Variants in GBF1 observed in about 807,000 individuals in gnomAD.
GBF1 encodes the protein golgi brefeldin A resistant guanine nucleotide exchange factor 1, also known as Golgi-specific brefeldin A-resistance guanine nucleotide exchange factor 1.
A neutral mutation model predicts 210.5 loss-of-function variants in GBF1; 114 were observed. The ratio of observed to expected loss-of-function variants is 0.54; its 90% CI spans 0.47 to 0.63. The LOEUF is 0.63. Among genes scored for constraint, GBF1 ranks in the 30% least tolerant of loss-of-function variants. The probability of loss-of-function intolerance (pLI) is 0.00; values close to 1 mark genes in which losing one functional copy is unlikely to be tolerated. For synonymous variants in GBF1, 850 were observed against 889.2 expected (o/e 0.96, Z 0.78); for missense variants, 1,851 against 2,357.7 (o/e 0.79, Z 4.45).
chr10:102,336,299 CAA>C (rs566414701), intron 3 of GBF1, among the ~76,000 whole-genome samples: 250 of 49,032 alleles, frequency 5.1e-3, no homozygotes, highest in African/African-American at 0.017. Flanking sequence ...GACTTTGTCT[CAA>C]AAAAAAAAAA....
At chr10:102,270,173 C>T (rs761705464) in intron 3 of GBF1, among the ~76,000 whole-genome samples, 3 of 151,488 alleles carry the variant, frequency 2.0e-5, no homozygotes, top group Middle Eastern at 3.4e-3. Flanking sequence ...CCACTGCACC[C>T]GGCCTTTTTT....
intron 3 of GBF1, among the ~76,000 whole-genome samples, chr10:102,268,861 C>T (rs1314724149): frequency 2.0e-5 from 3 of 152,162 alleles, no homozygotes; most frequent in Non-Finnish European, 2.9e-5. Context: ...TCTCTCCTGG[C>T]ATCTGTTAGA....
chr10:102,333,341 C>T (rs978316372), intron 3 of GBF1, among the ~76,000 whole-genome samples: 1 of 152,228 alleles, frequency 6.6e-6, no homozygotes, highest in African/African-American at 2.4e-5. Context: ...AAATTCCCAC[C>T]TGTCCATTCA....
chr10:102,372,853 A>G (rs545847755), intron 29 of GBF1, among the ~76,000 whole-genome samples: 1 of 152,374 alleles, frequency 6.6e-6, no homozygotes, highest in East Asian at 1.9e-4. Flanking sequence ...AGAGCTAAGC[A>G]AAGAATTTTT....
chr10:102,231,772 G>T, the GBF1 span: 6 of 1,604,732 alleles, frequency 3.7e-6, no homozygotes, highest in Non-Finnish European at 5.1e-6. Flanking sequence ...GGGCAGCGAA[G>T]CCGAGGCCTT....
At chr10:102,352,052 C>T in intron 6 of GBF1, 101 bp downstream of exon 6, 1 of 741,710 alleles carries the variant, frequency 1.3e-6, no homozygotes, top group Non-Finnish European at 2.5e-6. Context: ...TTCAGGACTT[C>T]TCCATCATCT....
At chr10:102,245,421 T>G (rs1479373238), upstream of GBF1, 2 of 152,242 alleles carry the variant, frequency 1.3e-5, no homozygotes, top group African/African-American at 4.8e-5. Context: ...TGAAGCCAAT[T>G]TCCTTTATTC....
intron 3 of GBF1, among the ~76,000 whole-genome samples, chr10:102,298,320 T>C (rs1315865436): frequency 6.6e-6 from 1 of 152,204 alleles, no homozygotes; most frequent in African/African-American, 2.4e-5. Context: ...CTAGACTAGA[T>C]GACAAGTCGA....
intron 3 of GBF1, among the ~76,000 whole-genome samples, chr10:102,299,757 CT>C (rs1367832872): frequency 2.0e-5 from 3 of 151,984 alleles, no homozygotes; most frequent in African/African-American, 7.3e-5. Flanking sequence ...GCACTCCAGC[CT>C]GGGCAACAAA....
In GBF1 at chr10:102,353,642, C is replaced by G. The variant is rs1004380953; in HGVS notation, c.627C>G (p.Thr209=). The G allele has an allele frequency of 1.1e-5, 17 of 1,608,828 alleles. No individual in the cohort carries two copies. The African/African-American group carries it at 2.3e-4, about 22-fold the overall frequency. ...FKEEPKNYVG[T]NMKKLKMRAG... The stretch of plus-strand genomic sequence containing the variant: ...AAGAACCCAAGAACTATGTGGGGAC[C>G]AACATGAAGAAGGTATGATCTGAGA... Residue 209 remains threonine, a synonymous_variant, in exon 8 of 40, where the codon ACC becomes ACG. Transcript: ENST00000369983.
At chr10:102,243,356 T>C (rs537618924), upstream of GBF1, among the ~76,000 whole-genome samples, 3 of 152,332 alleles carry the variant, frequency 2.0e-5, no homozygotes, top group East Asian at 5.8e-4. Flanking sequence ...ACCATGTCTG[T>C]TATTCCCAGG....
intron 3 of GBF1, among the ~76,000 whole-genome samples, chr10:102,319,125 G>C (rs1223446104): frequency 6.6e-6 from 1 of 152,200 alleles, no homozygotes; most frequent in Non-Finnish European, 1.5e-5. Context: ...TGACTATCCT[G>C]GCTAACATGG....
chr10:102,269,858 G>T (rs1418011376), intron 3 of GBF1, among the ~76,000 whole-genome samples: 2 of 152,006 alleles, frequency 1.3e-5, no homozygotes, highest in African/African-American at 4.8e-5. Context: ...TCACTGTAAT[G>T]GGTTGCATGG....
At chr10:102,322,718 C>CAAAAAAAA (rs61470777) in intron 3 of GBF1, among the ~76,000 whole-genome samples, 1 of 80,480 alleles carries the variant, frequency 1.2e-5, no homozygotes, top group Non-Finnish European at 2.2e-5. Context: ...CTCATCTCTA[C>CAAAAAAAA]AAAAAAAAAA....
chr10:102,357,420 G>A (rs1457193544), intron 8 of GBF1, among the ~76,000 whole-genome samples: 1 of 151,702 alleles, frequency 6.6e-6, no homozygotes, highest in East Asian at 1.9e-4. Flanking sequence ...CCAGGAGGCA[G>A]AGGTTGCAGT....
chr10:102,345,965 A>G (rs1454423611), intron 4 of GBF1, among the ~76,000 whole-genome samples: 2 of 152,122 alleles, frequency 1.3e-5, no homozygotes, highest in South Asian at 2.1e-4. Flanking sequence ...TATAATTTCC[A>G]TAGTGTAATA....
chr10:102,287,046 G>A (rs985719872), intron 3 of GBF1, among the ~76,000 whole-genome samples: 1 of 152,086 alleles, frequency 6.6e-6, no homozygotes, highest in Non-Finnish European at 1.5e-5. Flanking sequence ...CTCCAGTGGA[G>A]CCCCTTCTTT....
rs746399050 is a variant in GBF1 at position 102,358,583 on chromosome 10, T to C, written c.865T>C (p.Ser289Pro). 4 of 1,613,974 alleles carry C rather than the reference T, an allele frequency of 2.5e-6. No homozygotes were observed. The highest frequency in any genetic ancestry group is 3.4e-6 in the Non-Finnish European group (4 of 1,179,824). Reference sequence around the variant, plus strand: ...AGCTGCCTCAGCAGTGGTCAGTCCCTCTACAGACAGTGGCCTGGAATTCTC... The same window carrying C: ...AGCTGCCTCAGCAGTGGTCAGTCCCCCTACAGACAGTGGCCTGGAATTCTC... ...SEAASAVVSP[S>P]TDSGLEFSSQ... The change falls in exon 10 of 40, where the codon TCT (serine) becomes CCT (proline). Residue 289 changes from serine (S) to proline (P), a missense_variant. Physicochemically the swap from Ser to Pro is moderately conservative, Grantham distance 74. This residue lies in a region of GBF1 where 804 missense variants were observed against 958.6 expected (regional missense o/e 0.84). Transcript: ENST00000369983.
chr10:102,238,941 A>G, the GBF1 span, among the ~76,000 whole-genome samples: 2 of 152,318 alleles, frequency 1.3e-5, no homozygotes, highest in Admixed American at 6.5e-5. Flanking sequence ...CTCTGGAAGT[A>G]TGCTGCCCAC....
Sources: allele counts gnomAD v4.1 joint callset (sites outside exome capture counted in the v4.1 genomes callset), GRCh38; gene constraint gnomAD v4.1.1; regional missense constraint gnomAD v4.1.1; transcripts MANE v1.5; gene names NCBI Gene and HGNC (gene_info 2026-07-23, HGNC 2026-07-21).